Variants in CYTH1 observed in about 807,000 individuals in gnomAD.
CYTH1 encodes the protein cytohesin 1.
CYTH1 carries 18 observed loss-of-function variants against 61.8 expected under a neutral mutation model. The observed-to-expected ratio is 0.29, with a 90% confidence interval of 0.20 to 0.43. CYTH1 has a LOEUF of 0.43. CYTH1 is among the 20% of genes least tolerant of loss of function. The pLI is 1.00. For synonymous variants in CYTH1, 174 were observed against 184.3 expected (o/e 0.94, Z 0.45); for missense variants, 336 against 510.5 (o/e 0.66, Z 3.29).
chr17:78,766,738 T>C (rs1331671711), intron 1 of CYTH1, among the ~76,000 whole-genome samples: 1 of 152,134 alleles, frequency 6.6e-6, no homozygotes, highest in Non-Finnish European at 1.5e-5. Context: ...AATTCATCTC[T>C]GAGAGGTCTG....
chr17:78,701,550 C>T, intron 6 of CYTH1, 121 bp downstream of exon 6: 1 of 962,586 alleles, frequency 1.0e-6, no homozygotes, highest in Non-Finnish European at 1.6e-6. Flanking sequence ...CTCCAAAATA[C>T]TTCAAAATAT....
intron 1 of CYTH1, among the ~76,000 whole-genome samples, chr17:78,744,518 A>G (rs2093352655): frequency 1.3e-5 from 2 of 152,362 alleles, no homozygotes; most frequent in South Asian, 4.1e-4. Context: ...CTCTGCAGGC[A>G]GAAATCCAGA....
chr17:78,698,778 A>C, intron 8 of CYTH1, 42 bp downstream of exon 8: 1 of 1,530,232 alleles, frequency 6.5e-7, no homozygotes, highest in South Asian at 1.3e-5. Context: ...TTCCCAGTGA[A>C]CTCTTTCTTG....
intron 1 of CYTH1, among the ~76,000 whole-genome samples, chr17:78,747,230 G>A (rs977800794): frequency 6.0e-5 from 9 of 150,896 alleles, no homozygotes; most frequent in South Asian, 4.2e-4. Flanking sequence ...TGCCAGGCTC[G>A]TAGAGTAAGA....
At position 78,742,672 on chromosome 17, in the gene CYTH1, G is replaced by A. The variant is rs370278228; in HGVS notation, c.23-32940C>T. Among the ~76,000 whole-genome samples the A allele has an allele frequency of 2.6e-5, 4 of 152,050 alleles. No homozygotes were observed. The East Asian group carries it at 7.7e-4, about 29-fold the overall frequency. On this transcript the variant is annotated intron_variant, in intron 1 of 13. Coordinates refer to ENST00000446868, the MANE Select transcript of CYTH1 (RefSeq NM_004762.6). Reference sequence around the variant, plus strand: ...GTTTGAGGCCAGCCTAGCCGACATGGTGAAACCCTGTCTCTACTAAAAATA... The same window carrying A: ...GTTTGAGGCCAGCCTAGCCGACATGATGAAACCCTGTCTCTACTAAAAATA...
chr17:78,697,082 A>C (rs116026086), intron 9 of CYTH1, among the ~76,000 whole-genome samples: 1,695 of 152,324 alleles, frequency 0.011, 30 homozygotes, highest in African/African-American at 0.037. Context: ...GTATAAGCAC[A>C]AGGACTTGGG....
At chr17:78,728,737 C>T (rs962384003) in intron 1 of CYTH1, among the ~76,000 whole-genome samples, 2 of 151,988 alleles carry the variant, frequency 1.3e-5, no homozygotes, top group Admixed American at 6.6e-5. Context: ...GAAACTGCAA[C>T]GGAAGAAAAA....
chr17:78,711,205 T>G, intron 1 of CYTH1, among the ~76,000 whole-genome samples: 1 of 151,164 alleles, frequency 6.6e-6, no homozygotes, highest in East Asian at 1.9e-4. Flanking sequence ...GAGGTTGCAG[T>G]GAGCCGAGAT....
At chr17:78,759,268 G>A (rs990950429) in intron 1 of CYTH1, among the ~76,000 whole-genome samples, 4 of 152,188 alleles carry the variant, frequency 2.6e-5, no homozygotes, top group African/African-American at 9.7e-5. Flanking sequence ...ACTCTCCAAA[G>A]ACACTCTGGG....
chr17:78,685,149 C>T (rs2092803311), intron 11 of CYTH1, among the ~76,000 whole-genome samples: 1 of 141,916 alleles, frequency 7.0e-6, no homozygotes, highest in Non-Finnish European at 1.5e-5. Flanking sequence ...CAGTGAGCCA[C>T]TGCAAGATCG....
At chr17:78,757,601 G>A (rs1238669469) in intron 1 of CYTH1, among the ~76,000 whole-genome samples, 2 of 152,030 alleles carry the variant, frequency 1.3e-5, no homozygotes, top group African/African-American at 4.8e-5. Context: ...GAGAGAGGCA[G>A]GAAAAAATTT....
In CYTH1 at chr17:78,707,808, G is replaced by A. The variant is rs139769477; in HGVS notation, c.170+389C>T. On this transcript the variant is annotated intron_variant, in intron 3 of 13. Transcript: ENST00000446868. ...CAATTCTCCTGCCTCAGCCTCCCGA[G>A]TAGCTGGGACTACAGGTGTGCACCA... Among the ~76,000 whole-genome samples the A allele has an allele frequency of 2.5e-3, 378 of 152,052 alleles. 1 individual carries two copies. Among genetic ancestry groups the A allele is most frequent in the African/African-American group, 7.9e-3 (326 of 41,468 alleles).
At chr17:78,710,172 G>A (rs2093114043) in intron 1 of CYTH1, among the ~76,000 whole-genome samples, 2 of 152,158 alleles carry the variant, frequency 1.3e-5, no homozygotes, top group Non-Finnish European at 2.9e-5. Context: ...GGGAGGGGAG[G>A]CAAGAGGCAA....
rs188096015 is a variant in CYTH1, at chr17:78,713,735, A to G, written c.23-4003T>C. 8.8e-4 allele frequency among the ~76,000 whole-genome samples: 131 copies of G among 148,666 alleles called. 5 individuals are homozygous for G. Among genetic ancestry groups the G allele is most frequent in the African/African-American group, 3.3e-3 (128 of 39,246 alleles). On this transcript the variant is annotated intron_variant, in intron 1 of 13. Coordinates refer to ENST00000446868, the MANE Select transcript of CYTH1 (RefSeq NM_004762.6). ...GCAAGACTAAATCCAAGGTCCATAT[A>G]ATGAAGCTGATGAAAAACAGAGCAA...
intron 11 of CYTH1, among the ~76,000 whole-genome samples, chr17:78,690,693 C>A (rs1021401451): frequency 1.3e-5 from 2 of 151,382 alleles, no homozygotes; most frequent in Non-Finnish European, 2.9e-5. Context: ...AGCGAGACTC[C>A]GTCTCAAAAA....
intron 7 of CYTH1, 121 bp from the exon 8 acceptor site, chr17:78,699,089 AG>A (rs1254001710): frequency 1.5e-5 from 19 of 1,242,154 alleles, no homozygotes; most frequent in Non-Finnish European, 2.0e-5. Context: ...GTTCTCGGCC[AG>A]ATGCAGTGGC....
chr17:78,698,745 C>T, intron 8 of CYTH1, 75 bp downstream of exon 8: 2 of 1,452,556 alleles, frequency 1.4e-6, no homozygotes, highest in Non-Finnish European at 9.1e-7. Context: ...GTTTTTTCTT[C>T]CTTCCTACAA....
intron 11 of CYTH1, among the ~76,000 whole-genome samples, chr17:78,690,358 C>CACTCCA (rs1010146613): frequency 1.6e-5 from 2 of 126,552 alleles, no homozygotes; most frequent in African/African-American, 6.1e-5. Flanking sequence ...CGTGCCACTG[C>CACTCCA]ACTCCAGCCT....
At chr17:78,721,498 T>G (rs1289978961) in intron 1 of CYTH1, among the ~76,000 whole-genome samples, 1 of 152,238 alleles carries the variant, frequency 6.6e-6, no homozygotes, top group African/African-American at 2.4e-5. Context: ...ATGCAAAAAC[T>G]ACCCAGTTTC....
Sources: allele counts gnomAD v4.1 joint callset (sites outside exome capture counted in the v4.1 genomes callset), GRCh38; gene constraint gnomAD v4.1.1; transcripts MANE v1.5; gene names NCBI Gene and HGNC (gene_info 2026-07-23, HGNC 2026-07-21).